MARK2: variants seen among roughly 807,000 people sequenced by gnomAD.
MARK2 encodes the protein microtubule affinity regulating kinase 2.
A neutral mutation model predicts 89.8 loss-of-function variants in MARK2; 16 were observed. That is an observed-to-expected ratio of 0.18 (90% confidence interval 0.12 to 0.27). The LOEUF is 0.27. Ranked by LOEUF, MARK2 falls within the 10% of genes least tolerant of loss-of-function variation. The pLI, the probability that MARK2 is intolerant of heterozygous loss-of-function variation, is 1.00. For synonymous variants in MARK2, 382 were observed against 399.5 expected, an observed-to-expected ratio of 0.96 and a Z score of 0.52; for missense variants, 621 against 1,049.9, an observed-to-expected ratio of 0.59 and a Z score of 5.65.
Position 63,909,091 on chromosome 11 carries a change from G to T in MARK2, c.2221G>T (p.Gly741Cys). 2 of 1,613,802 alleles carry T rather than the reference G, an allele frequency of 1.2e-6. No homozygotes were observed. Among genetic ancestry groups the T allele is most frequent in the Non-Finnish European group, 1.7e-6 (2 of 1,179,790 alleles). The change falls in exon 19 of 19, where the codon GGC (glycine) becomes TGC (cysteine). Residue 741 changes from glycine (G) to cysteine (C), a missense_variant. Physicochemically the swap from Gly to Cys is radical, Grantham distance 159. Around this residue, in one of 5 missense-constraint regions of MARK2, gnomAD observed 33 missense variants for 74.5 expected, o/e 0.44. Coordinates refer to ENST00000402010, the MANE Select transcript of MARK2 (RefSeq NM_001039469.3). ...YMLLCMHGTP[G>C]HEDFVQWEME... ...GCTGCTGTGCATGCACGGCACGCCG[G>T]GCCACGAGGACTTCGTGCAGTGGGA...
Position 63,888,457 on chromosome 11 carries a change from T to C in MARK2, c.55-6702T>C, listed in dbSNP as rs958095786. ...GCCAGCTGTTACCCAGCAAAGCACC[T>C]TGGGGAGGGTGGGGCTGCCCACTTC... is the stretch of plus-strand genomic sequence containing the variant. On this transcript the variant is annotated intron_variant, in intron 1 of 18. Coordinates refer to ENST00000402010, the MANE Select transcript of MARK2 (RefSeq NM_001039469.3). 3.7e-5 allele frequency: 34 copies of C among 925,952 alleles called. No homozygotes were observed. The South Asian group carries it at 9.0e-4, about 25-fold the overall frequency. 57.4% of individuals were successfully genotyped at this position (925,952 alleles called of 1,614,324 possible). A position where few individuals can be genotyped will look rare whatever the true frequency, so the allele number is the denominator to read the frequency against.
chr11:63,885,689 C>A (rs1300697745), intron 1 of MARK2, among the ~76,000 whole-genome samples: 1 of 151,810 alleles, frequency 6.6e-6, no homozygotes, highest in South Asian at 2.1e-4. Context: ...CAAAAATGAT[C>A]TGGACGTGGT....
Position 63,891,066 on chromosome 11 carries a change from T to G in MARK2, c.55-4093T>G, listed in dbSNP as rs533218565. 4.6e-5 allele frequency among the ~76,000 whole-genome samples: 7 copies of G among 151,848 alleles called. No individual in the cohort carries two copies. The East Asian group carries it at 5.8e-4, about 13-fold the overall frequency. On this transcript the variant is annotated intron_variant, in intron 1 of 18. Transcript: ENST00000402010. ...TGTTTTATTTTGGGGCTTTTTGTGT[T>G]TGTTTGTGTGTGTGTGTGTGTTTTC... is the stretch of plus-strand genomic sequence containing the variant.
In MARK2 at chr11:63,889,086, C is replaced by T. The variant is rs1209982892; in HGVS notation, c.55-6073C>T. ...TGCCTGAGTCCAGCATAGTAATATT[C>T]ATGGGAAGGGTGTCCAGATGTGGAA... On this transcript the variant is annotated intron_variant, in intron 1 of 18. Coordinates refer to ENST00000402010, the MANE Select transcript of MARK2 (RefSeq NM_001039469.3). The T allele has an allele frequency of 4.6e-6, 3 of 655,270 alleles. No individual in the cohort carries two copies. The Admixed American group carries it at 7.1e-5, about 15-fold the overall frequency. 40.6% of individuals were successfully genotyped at this position (655,270 alleles called of 1,614,324 possible).
Position 63,904,691 on chromosome 11 carries a change from C to A in MARK2, c.1677-95C>A. On this transcript the variant is annotated intron_variant, in intron 15 of 18. Coordinates refer to ENST00000402010, the MANE Select transcript of MARK2 (RefSeq NM_001039469.3). The surrounding 1 kb of genome is among the most constrained non-coding windows in gnomAD (Gnocchi z 6.3). ...TGATGGCTGCCTCTGCCCTAGCATC[C>A]CCCTCCCTGTCCCCACCACAGGGTG... The A allele has an allele frequency of 9.6e-7, 1 of 1,044,518 alleles. No homozygotes were observed. Among genetic ancestry groups the A allele is most frequent in the Non-Finnish European group, 1.5e-6 (1 of 679,832 alleles). 64.7% of individuals were successfully genotyped at this position (1,044,518 alleles called of 1,614,324 possible).
At chr11:63,872,122 G>T (rs1223392142) in intron 1 of MARK2, among the ~76,000 whole-genome samples, 1 of 152,188 alleles carries the variant, frequency 6.6e-6, no homozygotes, top group Non-Finnish European at 1.5e-5. Flanking sequence ...GAAAGAGGAA[G>T]TATGTAGTGG....
chr11:63,869,230 C>T lies in MARK2; in HGVS notation c.55-25929C>T, dbSNP rs534315228. The T allele has an allele frequency of 9.2e-4, 160 of 173,010 alleles. 1 individual carries two copies. Among genetic ancestry groups the T allele is most frequent in the African/African-American group, 3.8e-3 (159 of 42,162 alleles). 10.7% of individuals were successfully genotyped at this position (173,010 alleles called of 1,614,324 possible). A position where few individuals can be genotyped will look rare whatever the true frequency, so the allele number is the denominator to read the frequency against. On this transcript the variant is annotated intron_variant, in intron 1 of 18. Coordinates refer to ENST00000402010, the MANE Select transcript of MARK2 (RefSeq NM_001039469.3). Reference sequence around the variant, plus strand: ...CCCCCTCACCCCACCCACCCCCACCCTGGGCAGGGAGGCTGAAACTGCTGC... The same window carrying T: ...CCCCCTCACCCCACCCACCCCCACCTTGGGCAGGGAGGCTGAAACTGCTGC...
In MARK2 at chr11:63,903,083, C is replaced by A; in HGVS notation, c.1439C>A (p.Thr480Lys). The A allele has an allele frequency of 6.2e-7, 1 of 1,614,114 alleles. No homozygotes were observed. Among genetic ancestry groups the A allele is most frequent in the Non-Finnish European group, 8.5e-7 (1 of 1,179,992 alleles). Residue 480 changes from threonine (T) to lysine (K), a missense_variant, in exon 14 of 19, where the codon ACA becomes AAA. By Grantham distance (78) the Thr-to-Lys change is moderately conservative (BLOSUM62 -1). Coordinates refer to ENST00000402010, the MANE Select transcript of MARK2 (RefSeq NM_001039469.3). This position sits in a 1 kb window ranked among gnomAD's most constrained non-coding sequence, Gnocchi z 5.1. ...PSTNSVLSTS[T>K]NRSRNSPLLE... ...CAGAACAGCGTCCTCTCCACCAGCA[C>A]AAATCGAAGCAGGAATTCCCCACTT... is the stretch of plus-strand genomic sequence containing the variant.
chr11:63,881,795 A>G (rs935048710), intron 1 of MARK2, among the ~76,000 whole-genome samples: 2 of 152,192 alleles, frequency 1.3e-5, no homozygotes, highest in African/African-American at 4.8e-5. Context: ...AAAAAATGAA[A>G]TAAATAAAAA....
At chr11:63,868,508 G>A in intron 1 of MARK2, 5 of 310,234 alleles carry the variant, frequency 1.6e-5, no homozygotes, top group South Asian at 1.4e-4. Context: ...ACAGAGAAGT[G>A]CTTTTTCAGG....
Position 63,900,525 on chromosome 11 carries a change from G to A in MARK2, c.769-34G>A. 1 of 1,610,296 alleles carries A rather than the reference G, an allele frequency of 6.2e-7. No homozygotes were observed. Among genetic ancestry groups the A allele is most frequent in the African/African-American group, 1.3e-5 (1 of 74,830 alleles). On this transcript the variant is annotated intron_variant, in intron 8 of 18. Transcript: ENST00000402010. The surrounding 1 kb of genome is among the most constrained non-coding windows in gnomAD (Gnocchi z 4.7). ...AGGTTTCTTCCTTTGGCCTTGGGGT[G>A]ATTTCAATTTTCTAACCCTGGATCC...
In MARK2 at chr11:63,856,923, T is replaced by C. The variant is rs556901329; in HGVS notation, c.54+17363T>C. Among the ~76,000 whole-genome samples, 17 of 151,724 alleles carry C rather than the reference T, an allele frequency of 1.1e-4. No individual in the cohort carries two copies. The East Asian group carries it at 2.1e-3, about 19-fold the overall frequency. The stretch of plus-strand genomic sequence containing the variant: ...CCCGGGTTCACGCCATTCTCCTGCC[T>C]CAGCCTCCCGAGTAGCTGGGAGGGA... On this transcript the variant is annotated intron_variant, in intron 1 of 18. Coordinates refer to ENST00000402010, the MANE Select transcript of MARK2 (RefSeq NM_001039469.3).
intron 1 of MARK2, among the ~76,000 whole-genome samples, chr11:63,872,175 C>T (rs1938489720): frequency 6.6e-6 from 1 of 152,188 alleles, no homozygotes; most frequent in South Asian, 2.1e-4. Context: ...TGTCACTAAA[C>T]AGCACCTCTC....
chr11:63,870,998 G>A (rs1353102778), intron 1 of MARK2, among the ~76,000 whole-genome samples: 1 of 152,166 alleles, frequency 6.6e-6, no homozygotes, highest in Non-Finnish European at 1.5e-5. Flanking sequence ...TCATAATACA[G>A]TGTGGGCAAA....
chr11:63,885,994 T>A (rs1939373422), intron 1 of MARK2, among the ~76,000 whole-genome samples: 1 of 151,730 alleles, frequency 6.6e-6, no homozygotes, highest in Non-Finnish European at 1.5e-5. Context: ...CTGAGTGTGG[T>A]GGCGGGCGCC....
intron 1 of MARK2, among the ~76,000 whole-genome samples, chr11:63,863,610 G>A (rs935807478): frequency 2.0e-5 from 3 of 151,630 alleles, no homozygotes; most frequent in Non-Finnish European, 1.5e-5. Context: ...GACTACAGGC[G>A]CCTGCCACCA....
intron 1 of MARK2, among the ~76,000 whole-genome samples, chr11:63,843,943 A>G (rs1298786641): frequency 6.6e-6 from 1 of 151,876 alleles, no homozygotes; most frequent in Non-Finnish European, 1.5e-5. Context: ...CTCAGTCCAC[A>G]CTCTGAGCTG....
chr11:63,882,840 A>G (rs554188859), intron 1 of MARK2, among the ~76,000 whole-genome samples: 11 of 152,296 alleles, frequency 7.2e-5, no homozygotes, highest in African/African-American at 2.4e-4. Context: ...CATATATACT[A>G]GGCAAAGAAA....
intron 1 of MARK2, among the ~76,000 whole-genome samples, chr11:63,855,532 A>C (rs78896413): frequency 6.9e-4 from 102 of 147,842 alleles, no homozygotes; most frequent in East Asian, 6.1e-3. Context: ...AAAAACAAAA[A>C]AAAAAAAAAA....
Sources: gnomAD v4.1 joint callset for allele counts (sites outside exome capture counted in the v4.1 genomes callset) on GRCh38, gnomAD v4.1.1 for gene constraint, gnomAD v4.1.1 regional missense constraint, Gnocchi (gnomAD v3.1) non-coding constraint, MANE v1.5 for transcripts, NCBI Gene and HGNC (gene_info 2026-07-23, HGNC 2026-07-21) for gene names.